Variants in APBA2 observed in about 807,000 individuals in gnomAD.
The protein encoded by APBA2 is amyloid beta precursor protein binding family A member 2.
APBA2 carries 30 observed loss-of-function variants against 75.0 expected under a neutral mutation model. The ratio of observed to expected loss-of-function variants is 0.40; its 90% confidence interval spans 0.30 to 0.54. The LOEUF (loss-of-function observed/expected upper bound fraction) is 0.54. Ranked by LOEUF, APBA2 falls within the 20% of genes least tolerant of loss-of-function variation. The probability of loss-of-function intolerance (pLI) is 0.49; values close to 1 mark genes in which losing one functional copy is unlikely to be tolerated. For synonymous variants in APBA2, 444 were observed against 409.6 expected (o/e 1.08, Z -1.01); for missense variants, 801 against 1,016.1 (o/e 0.79, Z 2.88).
At chr15:28,901,202 G>C (rs1468451926) in intron 1 of APBA2, among the ~76,000 whole-genome samples, 1 of 152,192 alleles carries the variant, frequency 6.6e-6, no homozygotes, top group Non-Finnish European at 1.5e-5. Context: ...CCGGTGCTTG[G>C]GGAGCACAGT....
intron 2 of APBA2, among the ~76,000 whole-genome samples, chr15:28,941,583 G>T (rs1348111757): frequency 6.6e-6 from 1 of 151,510 alleles, no homozygotes; most frequent in African/African-American, 2.4e-5. Flanking sequence ...TAGTGTGTGT[G>T]TAGGGACATG....
At chr15:29,071,678 C>T (rs1287878694) in intron 4 of APBA2, among the ~76,000 whole-genome samples, 2 of 149,240 alleles carry the variant, frequency 1.3e-5, no homozygotes, top group East Asian at 4.0e-4. Flanking sequence ...AACCCCGCCA[C>T]CCCTGAGATG....
rs181918907 is a variant in APBA2, at chr15:29,089,225, C to T, written c.1070-3850C>T. ...ACAGTGGGTTCAGAAATGCTGAGCACCTGAACTCATGACAGTGAACTTGGG... is the reference window on the plus strand; with the variant it reads ...ACAGTGGGTTCAGAAATGCTGAGCATCTGAACTCATGACAGTGAACTTGGG... On this transcript the variant is annotated intron_variant, in intron 6 of 14. Coordinates refer to ENST00000683413, the MANE Select transcript of APBA2 (RefSeq NM_001353788.2). 3.8e-3 allele frequency among the ~76,000 whole-genome samples: 584 copies of T among 152,304 alleles called. 2 individuals carry two copies. The highest frequency in any genetic ancestry group is 0.017 in the Middle Eastern group (5 of 294).
chr15:29,033,448 G>C (rs1486442182), intron 3 of APBA2, among the ~76,000 whole-genome samples: 4 of 152,128 alleles, frequency 2.6e-5, no homozygotes, highest in South Asian at 2.1e-4. Flanking sequence ...GAGAGGTTAT[G>C]GGCACAGTCT....
intron 4 of APBA2, among the ~76,000 whole-genome samples, chr15:29,072,579 C>T (rs139438137): frequency 6.7e-4 from 102 of 152,044 alleles, no homozygotes; most frequent in African/African-American, 2.3e-3. Context: ...CAGAAAGGGG[C>T]GCTGTCTGCT....
intron 3 of APBA2, among the ~76,000 whole-genome samples, chr15:29,050,352 A>C (rs922257716): frequency 9.8e-5 from 15 of 152,344 alleles, no homozygotes; most frequent in Admixed American, 2.0e-4. Flanking sequence ...AAACAAAATG[A>C]CTCTAACAAT....
At chr15:28,900,849 A>T (rs2032807311) in intron 1 of APBA2, among the ~76,000 whole-genome samples, 1 of 152,082 alleles carries the variant, frequency 6.6e-6, no homozygotes, top group Non-Finnish European at 1.5e-5. Context: ...CCCTTCACCC[A>T]GGTCCTCCTT....
At chr15:28,957,985 A>C (rs147009074) in intron 2 of APBA2, among the ~76,000 whole-genome samples, 58 of 152,300 alleles carry the variant, frequency 3.8e-4, no homozygotes, top group African/African-American at 1.4e-3. Flanking sequence ...AGGAGCCGAG[A>C]CAGGCGGGGG....
chr15:29,022,675 T>A (rs139775823), intron 3 of APBA2, among the ~76,000 whole-genome samples: 314 of 152,278 alleles, frequency 2.1e-3, no homozygotes, highest in African/African-American at 7.2e-3. Context: ...GAATAAAAAA[T>A]TCTATGGTTT....
At chr15:28,909,404 C>T (rs1489911780) in intron 1 of APBA2, among the ~76,000 whole-genome samples, 4 of 152,182 alleles carry the variant, frequency 2.6e-5, no homozygotes, top group Non-Finnish European at 4.4e-5. Context: ...CGCGTGACGC[C>T]CTCAAGGCCC....
At chr15:29,091,833 C>T (rs191136558) in intron 6 of APBA2, among the ~76,000 whole-genome samples, 15 of 152,156 alleles carry the variant, frequency 9.9e-5, no homozygotes, top group Admixed American at 9.8e-4. Context: ...AGGTTGCTGG[C>T]GCGAGGGCTG....
At chr15:29,064,332 C>G (rs1252922333) in intron 4 of APBA2, among the ~76,000 whole-genome samples, 1 of 152,222 alleles carries the variant, frequency 6.6e-6, no homozygotes, top group South Asian at 2.1e-4. Context: ...GGGGCCGGCC[C>G]TCCCTGCAAA....
chr15:29,037,805 T>C (rs1349118978), intron 3 of APBA2, among the ~76,000 whole-genome samples: 1 of 152,108 alleles, frequency 6.6e-6, no homozygotes, highest in East Asian at 1.9e-4. Context: ...CATAACATGG[T>C]GGAAGGCATC....
At chr15:29,063,717 G>A (rs1282409918) in intron 4 of APBA2, among the ~76,000 whole-genome samples, 4 of 150,134 alleles carry the variant, frequency 2.7e-5, no homozygotes, top group Non-Finnish European at 4.4e-5. Flanking sequence ...TGCAGATGAT[G>A]ATGATGATGA....
At chr15:28,958,363 T>C (rs1165405169) in intron 2 of APBA2, among the ~76,000 whole-genome samples, 1 of 152,240 alleles carries the variant, frequency 6.6e-6, no homozygotes, top group African/African-American at 2.4e-5. Context: ...GGGAGCTGTT[T>C]GTTGTCACAG....
intron 1 of APBA2, among the ~76,000 whole-genome samples, chr15:28,888,464 C>T (rs2031904058): frequency 6.6e-6 from 1 of 152,056 alleles, no homozygotes; most frequent in Non-Finnish European, 1.5e-5. Context: ...AGCCTGGCTT[C>T]AGAGACCCCC....
intron 1 of APBA2, among the ~76,000 whole-genome samples, chr15:28,896,802 G>A (rs2032520718): frequency 6.6e-6 from 1 of 152,090 alleles, no homozygotes; most frequent in African/African-American, 2.4e-5. Flanking sequence ...ACTTCCCAGT[G>A]GTCACCCTTT....
At chr15:29,065,075 C>T (rs1000823410) in intron 4 of APBA2, among the ~76,000 whole-genome samples, 29 of 152,042 alleles carry the variant, frequency 1.9e-4, no homozygotes, top group African/African-American at 5.8e-4. Context: ...ACTCATCTGC[C>T]GGTGGGGTGT....
rs1171136560 is a variant in APBA2 at position 29,054,921 on chromosome 15, G to A, written c.951+86G>A. The A allele has an allele frequency of 1.8e-5, 24 of 1,324,292 alleles. No individual in the cohort carries two copies. Among genetic ancestry groups the A allele is most frequent in the Middle Eastern group, 2.3e-4 (1 of 4,392 alleles). The allele number at this position is 1,324,292 out of a possible 1,614,324, so 82.0% of individuals were successfully genotyped here. ...GTACAGGCCTTGCAGATGCTGAAGC[G>A]AGGCGGTGGGGGGTGCTGGGTGCCT... is the stretch of plus-strand genomic sequence containing the variant. On this transcript the variant is annotated intron_variant, in intron 4 of 14. Transcript: ENST00000683413. This position sits in a 1 kb window ranked among gnomAD's most constrained non-coding sequence, Gnocchi z 6.1.
Sources: allele counts gnomAD v4.1 joint callset (sites outside exome capture counted in the v4.1 genomes callset), GRCh38; gene constraint gnomAD v4.1.1; non-coding constraint Gnocchi (gnomAD v3.1); transcripts MANE v1.5; gene names NCBI Gene and HGNC (gene_info 2026-07-23, HGNC 2026-07-21).